The following OVCH1 variants were observed in gnomAD, a reference collection of about 807,000 sequenced individuals.
OVCH1 encodes ovochymase-1.
In OVCH1, 139 loss-of-function variants were observed where a neutral mutation model predicts 138.4. The ratio of observed to expected loss-of-function variants is 1.00; its 90% CI spans 0.87 to 1.16. The LOEUF (loss-of-function observed/expected upper bound fraction) is 1.16. OVCH1 is among the 50% of genes most tolerant of loss of function. The pLI is 0.00. For missense variants in OVCH1, 1,367 were observed against 1,357.9 expected (o/e 1.01, Z -0.11); for synonymous variants, 453 against 467.8 (o/e 0.97, Z 0.41).
chr12:29,441,464 A>T (rs1464220715), intron 25 of OVCH1, among the ~76,000 whole-genome samples: 9 of 152,130 alleles, frequency 5.9e-5, no homozygotes, highest in African/African-American at 1.4e-4. Flanking sequence ...TATACAAAAA[A>T]TAATTCAAGA....
chr12:29,472,977 G>A lies in OVCH1; in HGVS notation c.1675+52C>T, dbSNP rs546838605. Reference sequence around the variant, plus strand: ...TAAGGGCTTCCAAAAGAGACATCTAGTTAATGAAGAAACAAGATTAAACAG... The same window carrying A: ...TAAGGGCTTCCAAAAGAGACATCTAATTAATGAAGAAACAAGATTAAACAG... On this transcript the variant is annotated intron_variant, in intron 15 of 27. Transcript: ENST00000318184. 6.1e-5 allele frequency: 89 copies of A among 1,469,846 alleles called. No homozygotes were observed. In the South Asian group the frequency reaches 6.7e-4, roughly 11 times the overall value. The allele number at this position is 1,469,846 out of a possible 1,614,324, so 91.1% of individuals were successfully genotyped here.
chr12:29,427,982 A>G (rs1279621638), intron 27 of OVCH1, among the ~76,000 whole-genome samples: 3 of 152,186 alleles, frequency 2.0e-5, no homozygotes, highest in Non-Finnish European at 4.4e-5. Flanking sequence ...TTTGGAGAAT[A>G]TTAAAGAGTG....
the OVCH1 span, among the ~76,000 whole-genome samples, chr12:29,402,521 A>G: frequency 6.6e-6 from 1 of 152,056 alleles, no homozygotes; most frequent in African/African-American, 2.4e-5. Flanking sequence ...AAAGGTTGGT[A>G]AGAAAAGGAA....
intron 3 of OVCH1, among the ~76,000 whole-genome samples, chr12:29,415,287 G>A (rs761830788): frequency 1.3e-5 from 2 of 152,140 alleles, no homozygotes; most frequent in Admixed American, 6.5e-5. Context: ...TTGTAATGAC[G>A]ACTGTGGATA....
downstream of OVCH1, among the ~76,000 whole-genome samples, chr12:29,409,724 C>T (rs982600177): frequency 2.0e-5 from 3 of 152,066 alleles, no homozygotes; most frequent in African/African-American, 7.2e-5. Flanking sequence ...AGCTTTACTT[C>T]CAATTATGTT....
In OVCH1 at chr12:29,496,603, TA is replaced by T; in HGVS notation, c.135del (p.Arg46GlufsTer10). ...GTTGAATTTCTCCAACTACTAATTC[TA>T]GAGAAGAATCTAGATCCCACGGCAG... On this transcript the variant is annotated frameshift_variant, in exon 2 of 28. Coordinates refer to ENST00000318184, the Ensembl canonical transcript of OVCH1. LOFTEE classifies it high-confidence loss of function. The T allele has an allele frequency of 6.2e-7, 1 of 1,613,848 alleles. No individual in the cohort carries two copies. The highest frequency in any genetic ancestry group is 1.1e-5 in the South Asian group (1 of 91,058).
chr12:29,413,239 T>C (rs1940983901), intron 3 of OVCH1, among the ~76,000 whole-genome samples: 1 of 152,206 alleles, frequency 6.6e-6, no homozygotes, highest in Admixed American at 6.6e-5. Context: ...GCCCAATTTA[T>C]ATGTTACCAG....
rs536047898 is a variant in OVCH1 at position 29,476,531 on chromosome 12, G to A, written c.1378-232C>T. 1.1e-4 allele frequency among the ~76,000 whole-genome samples: 16 copies of A among 152,246 alleles called. No homozygotes were observed. In the South Asian group the frequency reaches 3.3e-3, roughly 32 times the overall value. On this transcript the variant is annotated intron_variant, in intron 12 of 27. Transcript: ENST00000318184. ...TTCTGGGAATTATACATATCCACAT[G>A]TATCCAAAGGCACTGGCAGATATTC...
exon 28 of OVCH1, chr12:29,427,600 G>A: frequency 1.3e-6 from 2 of 1,551,408 alleles, no homozygotes; most frequent in South Asian, 1.2e-5. Context: ...CCCTTAGCAG[G>A]CACCAAATCT....
intron 5 of OVCH1, 47 bp downstream of exon 5, chr12:29,491,050 C>T: frequency 2.0e-6 from 3 of 1,467,216 alleles, no homozygotes; most frequent in Non-Finnish European, 2.9e-6. Context: ...TTCCCCTGGA[C>T]ATACAGAGAG....
chr12:29,495,106 G>A (rs1943378210), intron 4 of OVCH1, among the ~76,000 whole-genome samples, 179 bp downstream of exon 4: 1 of 152,218 alleles, frequency 6.6e-6, no homozygotes, highest in African/African-American at 2.4e-5. Context: ...TTTGTGGCTG[G>A]GACATGTAGC....
chr12:29,469,341 A>G (rs1276612703), intron 16 of OVCH1, among the ~76,000 whole-genome samples: 2 of 152,114 alleles, frequency 1.3e-5, no homozygotes, highest in Non-Finnish European at 2.9e-5. Context: ...ATGTCAGACA[A>G]ACTAAACTGA....
intron 19 of OVCH1, among the ~76,000 whole-genome samples, chr12:29,456,388 T>C (rs973270603): frequency 2.0e-5 from 3 of 152,218 alleles, no homozygotes. Flanking sequence ...CTCTCTTAGA[T>C]ATGGCTAATT....
At chr12:29,435,630 A>G (rs1941345287) in intron 26 of OVCH1, among the ~76,000 whole-genome samples, 1 of 152,158 alleles carries the variant, frequency 6.6e-6, no homozygotes, top group Non-Finnish European at 1.5e-5. Context: ...CTGGGATTAC[A>G]GGCATGAGCT....
chr12:29,438,667 G>T (rs1941410036), intron 26 of OVCH1, among the ~76,000 whole-genome samples: 1 of 151,890 alleles, frequency 6.6e-6, no homozygotes, highest in East Asian at 1.9e-4. Flanking sequence ...CAAATTTTAG[G>T]GTTATTCCTA....
chr12:29,479,003 TG>T (rs1942837166), intron 8 of OVCH1, 35 bp from the exon 10 acceptor site: 2 of 783,914 alleles, frequency 2.6e-6, no homozygotes, highest in African/African-American at 1.8e-5. Context: ...ATGTAATAAA[TG>T]GAAGAGTCAG....
chr12:29,441,345 A>G (rs1941480602), intron 25 of OVCH1, among the ~76,000 whole-genome samples: 1 of 152,180 alleles, frequency 6.6e-6, no homozygotes, highest in African/African-American at 2.4e-5. Flanking sequence ...TCTTTGACAA[A>G]CCTGACAAAA....
intron 3 of OVCH1, among the ~76,000 whole-genome samples, chr12:29,420,223 A>C (rs1450878485): frequency 6.6e-6 from 1 of 152,196 alleles, no homozygotes; most frequent in Non-Finnish European, 1.5e-5. Context: ...AAATCAAAGA[A>C]AAAATTTTCT....
At chr12:29,452,143 G>A (rs1027231479) in intron 21 of OVCH1, among the ~76,000 whole-genome samples, 3 of 152,076 alleles carry the variant, frequency 2.0e-5, no homozygotes, top group African/African-American at 7.2e-5. Flanking sequence ...TCAGGGCTTC[G>A]TCCTTAACTC....
Sources: gnomAD v4.1 joint callset for allele counts (sites outside exome capture counted in the v4.1 genomes callset) on GRCh38, gnomAD v4.1.1 for gene constraint, MANE v1.5 for transcripts, NCBI Gene and HGNC (gene_info 2026-07-23, HGNC 2026-07-21) for gene names.